ATP2C1: variants seen among roughly 807,000 people sequenced by gnomAD.
ATP2C1 encodes the protein calcium-transporting ATPase type 2C member 1.
In ATP2C1, 31 loss-of-function variants were observed where a neutral mutation model predicts 120.5. The ratio of observed to expected loss-of-function variants is 0.26; its 90% confidence interval spans 0.19 to 0.35. The LOEUF is 0.35. Among genes scored for constraint, ATP2C1 ranks in the 10% least tolerant of loss-of-function variants. The probability of loss-of-function intolerance (pLI) is 1.00; values close to 1 mark genes in which losing one functional copy is unlikely to be tolerated. For missense variants in ATP2C1, 731 were observed against 1,107.5 expected, an observed-to-expected ratio of 0.66 and a Z score of 4.83; for synonymous variants, 351 against 358.7, an observed-to-expected ratio of 0.98 and a Z score of 0.24.
At chr3:130,883,403 G>A (rs925591226) in intron 1 of ATP2C1, among the ~76,000 whole-genome samples, 2 of 149,152 alleles carry the variant, frequency 1.3e-5, no homozygotes, top group Non-Finnish European at 3.0e-5. Context: ...ATGTGCTATT[G>A]CTTTTCTAAT....
At position 131,002,879 on chromosome 3, in the gene ATP2C1, T is replaced by C. The variant is rs1296124444; in HGVS notation, c.*1529T>C. On this transcript the variant is annotated 3_prime_UTR_variant, in exon 28 of 28. Transcript: ENST00000510168. ...CTGCAGTTTATTCTACTTAACCCTTTAAGGCTGAATTGTCAAATGTACATT... is the reference window on the plus strand; with the variant it reads ...CTGCAGTTTATTCTACTTAACCCTTCAAGGCTGAATTGTCAAATGTACATT... 1.0e-6 allele frequency: 1 copy of C among 985,722 alleles called. No individual in the cohort carries two copies. The allele number at this position is 985,722 out of a possible 1,614,324, so 61.1% of individuals were successfully genotyped here. A position where few individuals can be genotyped will look rare whatever the true frequency, so the allele number is the denominator to read the frequency against.
chr3:130,987,386 A>G (rs2062070200), intron 20 of ATP2C1, among the ~76,000 whole-genome samples: 1 of 152,116 alleles, frequency 6.6e-6, no homozygotes, highest in Non-Finnish European at 1.5e-5. Flanking sequence ...ACCATAGCCC[A>G]CTGCAACCTC....
At chr3:130,928,767 C>T (rs2059326615) in intron 2 of ATP2C1, among the ~76,000 whole-genome samples, 1 of 152,160 alleles carries the variant, frequency 6.6e-6, no homozygotes, top group African/African-American at 2.4e-5. Flanking sequence ...GTTTGGGGAT[C>T]TTAGAAATAA....
intron 17 of ATP2C1, among the ~76,000 whole-genome samples, chr3:130,974,665 G>T (rs1157448010): frequency 1.3e-5 from 2 of 151,842 alleles, no homozygotes; most frequent in African/African-American, 4.8e-5. Context: ...GGGAGGGGGG[G>T]AATAGATAGT....
chr3:131,014,393 C>G, intron 26 of ATP2C1: 1 of 1,553,294 alleles, frequency 6.4e-7, no homozygotes, highest in Non-Finnish European at 8.7e-7. Context: ...ACAGTCTGTT[C>G]AAAGCAAGAA....
intron 1 of ATP2C1, among the ~76,000 whole-genome samples, chr3:130,852,403 T>C (rs988881538): frequency 6.6e-6 from 1 of 152,142 alleles, no homozygotes; most frequent in Admixed American, 6.6e-5. Context: ...AGTTCTATGG[T>C]TCTTTGTTTT....
rs1018851461 is a variant in ATP2C1, at chr3:130,915,006, A to G, written c.7-15410A>G. Among the ~76,000 whole-genome samples, 9 of 152,078 alleles carry G rather than the reference A, an allele frequency of 5.9e-5. No individual in the cohort carries two copies. In the East Asian group the frequency reaches 1.7e-3, roughly 29 times the overall value. On this transcript the variant is annotated intron_variant, in intron 2 of 27. Coordinates refer to ENST00000510168, the MANE Select transcript of ATP2C1 (RefSeq NM_001378687.1). ...TTTGACTTGTTTGTTGCTTTGGATG[A>G]CAGGAGGGTTCCTTCCTACCTCTTA...
At chr3:130,930,203 C>T (rs2059394631) in intron 2 of ATP2C1, 1 of 552,650 alleles carries the variant, frequency 1.8e-6, no homozygotes, top group Admixed American at 2.7e-5. Flanking sequence ...TAGCTGGGCA[C>T]CGATGGCTTA....
chr3:131,015,633 C>G (rs1040531557), intron 26 of ATP2C1, among the ~76,000 whole-genome samples: 2 of 152,144 alleles, frequency 1.3e-5, no homozygotes, highest in Admixed American at 1.3e-4. Flanking sequence ...AGCTGAGATT[C>G]TGTTTTTGTC....
At chr3:130,972,708 T>TG (rs1170275229) in intron 17 of ATP2C1, among the ~76,000 whole-genome samples, 10 of 145,232 alleles carry the variant, frequency 6.9e-5, no homozygotes, top group Non-Finnish European at 1.2e-4. Context: ...AGTGAGAACA[T>TG]GCGGTGTTTG....
intron 12 of ATP2C1, chr3:130,963,244 C>CT (rs370339145): frequency 1.2e-4 from 18 of 152,184 alleles, no homozygotes; most frequent in African/African-American, 4.3e-4. Context: ...TAACCGCTAT[C>CT]TAGATTCAGA....
At chr3:130,952,752 A>C (rs1394374122) in intron 8 of ATP2C1, among the ~76,000 whole-genome samples, 1 of 152,230 alleles carries the variant, frequency 6.6e-6, no homozygotes, top group Non-Finnish European at 1.5e-5. Flanking sequence ...AGAGTATCCT[A>C]AGGACCCTTG....
At chr3:130,942,528 A>G (rs561593940) in intron 8 of ATP2C1, among the ~76,000 whole-genome samples, 3 of 152,304 alleles carry the variant, frequency 2.0e-5, no homozygotes, top group Non-Finnish European at 2.9e-5. Context: ...TTTAAATACT[A>G]TGGCCAAAAG....
chr3:130,873,289 T>G (rs2068494042), intron 1 of ATP2C1, among the ~76,000 whole-genome samples: 2 of 152,248 alleles, frequency 1.3e-5, no homozygotes, highest in South Asian at 4.1e-4. Flanking sequence ...GGTATTAGAC[T>G]GCTAACTTTG....
At chr3:130,888,405 A>C (rs1013114009) in intron 1 of ATP2C1, among the ~76,000 whole-genome samples, 1 of 152,132 alleles carries the variant, frequency 6.6e-6, no homozygotes, top group African/African-American at 2.4e-5. Flanking sequence ...GTTGCCTAAG[A>C]ACTGCAATCC....
intron 17 of ATP2C1, 82 bp downstream of exon 17, chr3:130,969,478 G>T (rs1340727742): frequency 9.6e-7 from 1 of 1,036,792 alleles, no homozygotes; most frequent in African/African-American, 1.6e-5. Context: ...TTTGGGTTTA[G>T]TCATTGTACA....
intron 26 of ATP2C1, chr3:131,014,282 T>C (rs1003126791): frequency 8.7e-6 from 14 of 1,613,962 alleles, no homozygotes; most frequent in African/African-American, 1.3e-5. Flanking sequence ...TGAATAGATA[T>C]TCATAAAGTT....
At chr3:131,010,859 C>G (rs1344647953) in intron 26 of ATP2C1, among the ~76,000 whole-genome samples, 1 of 152,194 alleles carries the variant, frequency 6.6e-6, no homozygotes, top group African/African-American at 2.4e-5. Flanking sequence ...TACTGCTTAA[C>G]ACTCACTCAC....
Position 130,993,804 on chromosome 3 carries a change from T to TG in ATP2C1, c.1891-125dup, listed in dbSNP as rs1156971256. The TG allele has an allele frequency of 3.2e-6, 3 of 935,154 alleles. No homozygotes were observed. In the East Asian group the frequency reaches 7.9e-5, roughly 25 times the overall value. The allele number at this position is 935,154 out of a possible 1,614,324, so 57.9% of individuals were successfully genotyped here. ...CCATTTGTTGAAGTTCATTGAACAATGGGTGGTCTATATTATTTCTAATCT... is the reference window on the plus strand; with the variant it reads ...CCATTTGTTGAAGTTCATTGAACAATGGGGTGGTCTATATTATTTCTAATCT... On this transcript the variant is annotated intron_variant, in intron 21 of 27. Coordinates refer to ENST00000510168, the MANE Select transcript of ATP2C1 (RefSeq NM_001378687.1).
Sources: allele counts gnomAD v4.1 joint callset (sites outside exome capture counted in the v4.1 genomes callset), GRCh38; gene constraint gnomAD v4.1.1; transcripts MANE v1.5; gene names NCBI Gene and HGNC (gene_info 2026-07-23, HGNC 2026-07-21).